CADPS2: variants seen among roughly 807,000 people sequenced by gnomAD.
CADPS2 encodes calcium-dependent secretion activator 2.
A neutral mutation model predicts 172.5 loss-of-function variants in CADPS2; 93 were observed. The ratio of observed to expected loss-of-function variants is 0.54; its 90% confidence interval spans 0.46 to 0.64. CADPS2 has a LOEUF of 0.64. Ranked by LOEUF, CADPS2 falls within the 30% of genes least tolerant of loss-of-function variation. The pLI is 0.00. For synonymous variants in CADPS2, 546 were observed against 555.2 expected (o/e 0.98, Z 0.23); for missense variants, 1,420 against 1,565.9 (o/e 0.91, Z 1.57).
intron 20 of CADPS2, among the ~76,000 whole-genome samples, chr7:122,396,018 C>T (rs1489757906): frequency 1.3e-5 from 2 of 152,108 alleles, no homozygotes; most frequent in African/African-American, 2.4e-5. Context: ...CCATGTTGGT[C>T]GGGCTAGTCT....
chr7:122,734,388 A>AAAAAAAAAAAAAAAAAAG (rs2091976264), intron 2 of CADPS2, among the ~76,000 whole-genome samples: 3 of 57,496 alleles, frequency 5.2e-5, no homozygotes, highest in African/African-American at 5.9e-5. Context: ...AAAAAAAAAG[A>AAAAAAAAAAAAAAAAAAG]AAAAAAAAAA....
At chr7:122,657,627 T>A (rs555463115) in intron 3 of CADPS2, among the ~76,000 whole-genome samples, 2 of 152,180 alleles carry the variant, frequency 1.3e-5, no homozygotes, top group African/African-American at 4.8e-5. Flanking sequence ...TATTGGTGTA[T>A]AAGAATGCTT....
At chr7:122,782,547 G>A (rs1324463576) in intron 1 of CADPS2, among the ~76,000 whole-genome samples, 1 of 152,140 alleles carries the variant, frequency 6.6e-6, no homozygotes, top group Non-Finnish European at 1.5e-5. Context: ...GGATGTTGAG[G>A]CTGCAGTGAG....
At chr7:122,690,772 C>T (rs538570945) in intron 2 of CADPS2, among the ~76,000 whole-genome samples, 2 of 152,302 alleles carry the variant, frequency 1.3e-5, no homozygotes, top group South Asian at 4.1e-4. Context: ...CTGTAGGTGT[C>T]ACCTTCTTGG....
chr7:122,786,333 G>A (rs1258675356), intron 1 of CADPS2, among the ~76,000 whole-genome samples: 1 of 152,154 alleles, frequency 6.6e-6, no homozygotes, highest in Non-Finnish European at 1.5e-5. Flanking sequence ...ATTAAGCACA[G>A]TCAAGACACT....
intron 1 of CADPS2, among the ~76,000 whole-genome samples, chr7:122,800,187 A>C (rs868662764): frequency 6.6e-6 from 1 of 152,236 alleles, no homozygotes; most frequent in African/African-American, 2.4e-5. Context: ...CACGGTTATA[A>C]TACTAGTTTT....
intron 17 of CADPS2, among the ~76,000 whole-genome samples, chr7:122,422,757 C>A (rs1050756256): frequency 1.2e-4 from 18 of 150,654 alleles, no homozygotes; most frequent in Non-Finnish European, 1.6e-4. Flanking sequence ...GAGTTCGAGG[C>A]CAGCCTGGCC....
At chr7:122,740,238 A>G (rs2092391032) in intron 1 of CADPS2, among the ~76,000 whole-genome samples, 1 of 152,178 alleles carries the variant, frequency 6.6e-6, no homozygotes, top group Admixed American at 6.5e-5. Flanking sequence ...TACTTGCCCA[A>G]ATGAGTTGGA....
chr7:122,570,822 G>T (rs2067151566), intron 7 of CADPS2, among the ~76,000 whole-genome samples: 1 of 152,054 alleles, frequency 6.6e-6, no homozygotes, highest in Admixed American at 6.6e-5. Flanking sequence ...TCATAGATGG[G>T]AATTGAACAA....
intron 2 of CADPS2, among the ~76,000 whole-genome samples, chr7:122,669,387 C>A (rs986997): frequency 0.49 from 73,380 of 148,818 alleles, 18,471 homozygotes; most frequent in East Asian, 0.74. Context: ...TAATTACTAC[C>A]CCCACACACT....
At chr7:122,840,484 T>C (rs1312875162) in intron 1 of CADPS2, among the ~76,000 whole-genome samples, 1 of 151,354 alleles carries the variant, frequency 6.6e-6, no homozygotes, top group Non-Finnish European at 1.5e-5. Flanking sequence ...GACTCACATA[T>C]ATCCTTTCAA....
At chr7:122,874,217 G>A (rs1820605903) in intron 1 of CADPS2, among the ~76,000 whole-genome samples, 1 of 152,020 alleles carries the variant, frequency 6.6e-6, no homozygotes, top group Admixed American at 6.5e-5. Context: ...TGGTGTTTTA[G>A]TCATAAAGTC....
At chr7:122,629,116 T>C (rs1407385816) in intron 4 of CADPS2, 132 bp downstream of exon 4, 2 of 570,296 alleles carry the variant, frequency 3.5e-6, no homozygotes, top group Non-Finnish European at 6.0e-6. Context: ...TTAAGAGGTC[T>C]ATGTGTAGAG....
intron 1 of CADPS2, among the ~76,000 whole-genome samples, chr7:122,819,575 A>G (rs1047365832): frequency 3.3e-5 from 5 of 152,072 alleles, no homozygotes; most frequent in South Asian, 2.1e-4. Context: ...GGGTATTGAC[A>G]GCCAGGCTTC....
At chr7:122,399,977 G>A (rs932074285) in intron 20 of CADPS2, among the ~76,000 whole-genome samples, 2 of 150,996 alleles carry the variant, frequency 1.3e-5, no homozygotes, top group African/African-American at 4.9e-5. Context: ...CCCGGCCAAG[G>A]GTGGGTTTCT....
At chr7:122,594,952 A>T (rs1018439893) in intron 6 of CADPS2, among the ~76,000 whole-genome samples, 1 of 152,004 alleles carries the variant, frequency 6.6e-6, no homozygotes, top group Non-Finnish European at 1.5e-5. Flanking sequence ...AACATGCACA[A>T]ATCCCCCAGA....
chr7:122,857,363 A>G (rs1300713424), intron 1 of CADPS2, among the ~76,000 whole-genome samples: 1 of 152,160 alleles, frequency 6.6e-6, no homozygotes, highest in African/African-American at 2.4e-5. Flanking sequence ...GAGATGTATG[A>G]GTAATAAAGA....
At chr7:122,647,962 C>G (rs1370975135) in intron 3 of CADPS2, among the ~76,000 whole-genome samples, 1 of 152,040 alleles carries the variant, frequency 6.6e-6, no homozygotes, top group African/African-American at 2.4e-5. Flanking sequence ...ATTTCCTTAC[C>G]TTGTTAGTTC....
chr7:122,743,125 C>T (rs1050473485), intron 1 of CADPS2, among the ~76,000 whole-genome samples: 16 of 152,200 alleles, frequency 1.1e-4, no homozygotes, highest in African/African-American at 3.8e-4. Flanking sequence ...CTATATAAAA[C>T]TAAATTGCAG....
Sources: allele counts gnomAD v4.1 joint callset (sites outside exome capture counted in the v4.1 genomes callset), GRCh38; gene constraint gnomAD v4.1.1; transcripts MANE v1.5; gene names NCBI Gene and HGNC (gene_info 2026-07-23, HGNC 2026-07-21).